Variants in INTS12 observed in about 807,000 individuals in gnomAD.
INTS12 encodes PHD finger protein 22.
A neutral mutation model predicts 41.6 loss-of-function variants in INTS12; 13 were observed. The ratio of observed to expected loss-of-function variants is 0.31; its 90% confidence interval spans 0.20 to 0.50. INTS12 has a LOEUF of 0.50. Ranked by LOEUF, INTS12 falls within the 20% of genes least tolerant of loss-of-function variation. The pLI is 0.98. For synonymous variants in INTS12, 199 were observed against 191.4 expected (o/e 1.04, Z -0.33); for missense variants, 432 against 541.6 (o/e 0.80, Z 2.01).
intron 6 of INTS12, among the ~76,000 whole-genome samples, chr4:105,690,549 G>GA (rs1046695009): frequency 7.2e-4 from 106 of 146,404 alleles, no homozygotes; most frequent in African/African-American, 6.5e-4. Flanking sequence ...GGCAATTGCA[G>GA]AAAAAAAAAA....
chr4:105,698,813 G>A (rs1400180174), intron 3 of INTS12, among the ~76,000 whole-genome samples: 1 of 152,202 alleles, frequency 6.6e-6, no homozygotes, highest in East Asian at 1.9e-4. Context: ...CTTGGGCTCT[G>A]AGCCTGGGAC....
intron 4 of INTS12, among the ~76,000 whole-genome samples, chr4:105,694,051 AG>A (rs1170053650): frequency 1.3e-5 from 2 of 152,220 alleles, no homozygotes; most frequent in Non-Finnish European, 2.9e-5. Flanking sequence ...TACATCCTAT[AG>A]AAACTATTAA....
chr4:105,684,021 G>C (rs1291471402), intron 7 of INTS12, among the ~76,000 whole-genome samples: 1 of 152,116 alleles, frequency 6.6e-6, no homozygotes. Context: ...TCATGTAAGA[G>C]TCTCCTGCTC....
At chr4:105,702,130 C>CTTTTTTTTTTTTTTTTTTTTT (rs950826694) in intron 2 of INTS12, among the ~76,000 whole-genome samples, 5 of 109,508 alleles carry the variant, frequency 4.6e-5, no homozygotes, top group Admixed American at 1.0e-4. Flanking sequence ...ATTTCTATTT[C>CTTTTTTTTTTTTTTTTTTTTT]TTTTTTTTTT....
intron 6 of INTS12, among the ~76,000 whole-genome samples, chr4:105,691,586 G>A (rs1035424047): frequency 6.6e-6 from 1 of 152,164 alleles, no homozygotes; most frequent in Non-Finnish European, 1.5e-5. Flanking sequence ...GGTGGTTTAA[G>A]CTCACTCAGA....
Position 105,703,686 on chromosome 4 carries a change from A to C in INTS12, c.-48T>G, listed in dbSNP as rs1173558198. On this transcript the variant is annotated 5_prime_UTR_variant, in exon 2 of 8. Transcript: ENST00000340139. The stretch of plus-strand genomic sequence containing the variant: ...AATCACCATTCTCAGCTTGGCGTTC[A>C]GTACAACTTGGCAATTCTCTCATCC... 6.6e-6 allele frequency: 1 copy of C among 152,280 alleles called. No homozygotes were observed. The highest frequency in any genetic ancestry group is 1.9e-4 in the East Asian group (1 of 5,202). The allele number at this position is 152,280 out of a possible 1,614,324, so 9.4% of individuals were successfully genotyped here.
rs17262443 is a variant in INTS12 at position 105,693,649 on chromosome 4, T to C, written c.310-163A>G. Among the ~76,000 whole-genome samples the C allele has an allele frequency of 0.067, 10,257 of 152,262 alleles. 351 individuals carry two copies. Among genetic ancestry groups the C allele is most frequent in the Middle Eastern group, 0.11 (31 of 294 alleles). ...TGCACATTAAAGATCTGTAGAAGAA[T>C]TGCAATGAATTTATTAGTATATTAA... On this transcript the variant is annotated intron_variant, in intron 4 of 7. Coordinates refer to ENST00000340139, the MANE Select transcript of INTS12 (RefSeq NM_020395.4).
chr4:105,687,120 AG>A (rs1731524884), intron 6 of INTS12: 1 of 353,194 alleles, frequency 2.8e-6, no homozygotes, highest in East Asian at 7.1e-5. Context: ...TGTTTTTTAA[AG>A]AGCAAAATCA....
intron 6 of INTS12, among the ~76,000 whole-genome samples, chr4:105,687,981 G>C (rs895617123): frequency 6.6e-6 from 1 of 151,866 alleles, no homozygotes; most frequent in Admixed American, 6.6e-5. Context: ...AAAAAAAACA[G>C]CAACTATTTT....
intron 5 of INTS12, 79 bp downstream of exon 5, chr4:105,693,220 A>C: frequency 2.5e-6 from 3 of 1,197,670 alleles, no homozygotes; most frequent in Non-Finnish European, 3.4e-6. Context: ...AATTTTTCTG[A>C]TTTTGGGGGT....
Position 105,682,978 on chromosome 4 carries a change from C to G in INTS12, c.1144G>C (p.Val382Leu). 6.2e-7 allele frequency: 1 copy of G among 1,614,128 alleles called. No homozygotes were observed. The highest frequency in any genetic ancestry group is 8.5e-7 in the Non-Finnish European group (1 of 1,179,976). The change falls in exon 8 of 8, where the codon GTC becomes CTC. Residue 382 changes from valine to leucine, a missense_variant. Val to Leu is a conservative substitution (Grantham distance 32). This residue lies in a region of INTS12 where 258 missense variants were observed against 309.9 expected (regional missense o/e 0.83). Transcript: ENST00000340139. ...GLSRSVSCDN[V>L]SKVGLPSPSS... ...GGACTAGGAAGACCTACTTTGCTGA[C>G]ATTGTCACAACTAACTGAGCGACTA... is the stretch of plus-strand genomic sequence containing the variant.
Position 105,692,226 on chromosome 4 carries a change from G to A in INTS12, c.498-91C>T, listed in dbSNP as rs139147352. On this transcript the variant is annotated intron_variant, in intron 5 of 7. Coordinates refer to ENST00000340139, the MANE Select transcript of INTS12 (RefSeq NM_020395.4). The stretch of plus-strand genomic sequence containing the variant: ...GGGCCAGGTGTGCTGGCTCATGCCT[G>A]TAATCCCAGCACTTTGGGAGGCCAA... The A allele has an allele frequency of 5.7e-4, 724 of 1,261,520 alleles. 6 individuals are homozygous for A. The African/African-American group carries it at 9.8e-3, about 17-fold the overall frequency. The allele number at this position is 1,261,520 out of a possible 1,614,324, so 78.1% of individuals were successfully genotyped here.
intron 2 of INTS12, among the ~76,000 whole-genome samples, chr4:105,702,613 T>A (rs1168148229): frequency 1.3e-5 from 2 of 152,200 alleles, no homozygotes; most frequent in East Asian, 3.9e-4. Context: ...GACTACAATC[T>A]TCCATTACTC....
At chr4:105,690,515 G>A (rs548222100) in intron 6 of INTS12, among the ~76,000 whole-genome samples, 2 of 152,114 alleles carry the variant, frequency 1.3e-5, no homozygotes, top group Middle Eastern at 3.4e-3. Context: ...ATTAAAAGAG[G>A]CATCAAAGAT....
At position 105,683,270 on chromosome 4, in the gene INTS12, C is replaced by T. The variant is rs141555014; in HGVS notation, c.852G>A (p.Ser284=). ...ATCCAGTTAAGCCACTAGTTACTGA[C>T]GAGGAAACGCTGGCACTAGAAGAAT... ...SGNSSSASVS[S]SVTSGLTGWA... is the part of the protein sequence containing the mutation. The change falls in exon 8 of 8, where the codon TCG becomes TCA. Residue 284 remains serine, a synonymous_variant. Transcript: ENST00000340139. 5.5e-5 allele frequency: 89 copies of T among 1,613,358 alleles called. No homozygotes were observed. The East Asian group carries it at 6.0e-4, about 11-fold the overall frequency.
intron 1 of INTS12, chr4:105,708,152 C>T: frequency 1.0e-6 from 1 of 985,390 alleles, no homozygotes; most frequent in Non-Finnish European, 1.2e-6. Context: ...ACACTGATAC[C>T]TTAGGGACAC....
intron 2 of INTS12, among the ~76,000 whole-genome samples, chr4:105,701,011 G>A (rs2149189881): frequency 6.6e-6 from 1 of 152,142 alleles, no homozygotes; most frequent in African/African-American, 2.4e-5. Flanking sequence ...GGTTAATATT[G>A]TATTAATGCA....
intron 2 of INTS12, among the ~76,000 whole-genome samples, chr4:105,702,138 T>C (rs964390927): frequency 2.1e-4 from 29 of 141,050 alleles, no homozygotes; most frequent in Admixed American, 2.0e-3. Flanking sequence ...TTCTTTTTTT[T>C]TTTTTTTTTT....
Position 105,691,961 on chromosome 4 carries a change from A to C in INTS12, c.657+15T>G, listed in dbSNP as rs754479657. ...TTGACAGACTGTTTAAAATAAAGAA[A>C]AATATGATTCCTACCATTCTTTTCA... On this transcript the variant is annotated intron_variant, in intron 6 of 7. Transcript: ENST00000340139. 2 of 1,501,734 alleles carry C rather than the reference A, an allele frequency of 1.3e-6. No homozygotes were observed. Among genetic ancestry groups the C allele is most frequent in the Non-Finnish European group, 1.8e-6 (2 of 1,124,632 alleles). The allele number at this position is 1,501,734 out of a possible 1,614,324, so 93.0% of individuals were successfully genotyped here.
Sources: allele counts gnomAD v4.1 joint callset (sites outside exome capture counted in the v4.1 genomes callset), GRCh38; gene constraint gnomAD v4.1.1; regional missense constraint gnomAD v4.1.1; transcripts MANE v1.5; gene names NCBI Gene and HGNC (gene_info 2026-07-23, HGNC 2026-07-21).